SPMIP7: variants seen among roughly 807,000 people sequenced by gnomAD.
SPMIP7 encodes sperm microtubule inner protein 7.
chr7:50,125,955 G>A, the SPMIP7 span, among the ~76,000 whole-genome samples: 5 of 151,984 alleles, frequency 3.3e-5, no homozygotes, highest in African/African-American at 1.2e-4. Context: ...ACAAGAGAAA[G>A]ATTTTTGGCA....
At chr7:50,153,902 C>T in the SPMIP7 span, among the ~76,000 whole-genome samples, 2 of 152,296 alleles carry the variant, frequency 1.3e-5, no homozygotes, top group African/African-American at 2.4e-5. Flanking sequence ...GCCCTGTGTG[C>T]CTGGCCTTTT....
the SPMIP7 span, among the ~76,000 whole-genome samples, chr7:50,118,335 GATCCA>G: frequency 6.6e-6 from 1 of 152,138 alleles, no homozygotes; most frequent in Admixed American, 6.6e-5. Flanking sequence ...CAGACAGCAT[GATCCA>G]AATTATGAAC....
the SPMIP7 span, among the ~76,000 whole-genome samples, chr7:50,135,349 T>C: frequency 2.6e-5 from 4 of 152,164 alleles, no homozygotes; most frequent in Non-Finnish European, 4.4e-5. Flanking sequence ...ACAAAATCCA[T>C]AGGATTAAAA....
the SPMIP7 span, chr7:50,129,602 C>T: frequency 2.5e-5 from 18 of 729,448 alleles, no homozygotes; most frequent in Admixed American, 1.0e-4. Context: ...CCAAGAGGTG[C>T]GTGAAAGAAG....
chr7:50,132,885 G>T, the SPMIP7 span, among the ~76,000 whole-genome samples: 1 of 151,996 alleles, frequency 6.6e-6, no homozygotes, highest in African/African-American at 2.4e-5. Flanking sequence ...TTCTTGTATC[G>T]TAAACACCTA....
At chr7:50,106,716 C>T in the SPMIP7 span, among the ~76,000 whole-genome samples, 1 of 152,054 alleles carries the variant, frequency 6.6e-6, no homozygotes. Context: ...ACACTGAGTC[C>T]ATATGTTGCA....
At chr7:50,129,247 G>C in the SPMIP7 span, among the ~76,000 whole-genome samples, 1 of 151,814 alleles carries the variant, frequency 6.6e-6, no homozygotes, top group African/African-American at 2.4e-5. Context: ...CAACAAATTG[G>C]TAAAATATCA....
chr7:50,096,378 G>A, the SPMIP7 span: 42 of 1,551,920 alleles, frequency 2.7e-5, no homozygotes, highest in Middle Eastern at 1.7e-4. Flanking sequence ...TTTCCACTTC[G>A]GGATGATGTG....
the SPMIP7 span, chr7:50,140,008 A>G: frequency 1.6e-3 from 978 of 626,794 alleles, 7 homozygotes; most frequent in African/African-American, 0.018. Flanking sequence ...GTTTAAAATC[A>G]CAAACCTTTA....
chr7:50,140,988 T>C, the SPMIP7 span, among the ~76,000 whole-genome samples: 1 of 152,338 alleles, frequency 6.6e-6, no homozygotes, highest in East Asian at 1.9e-4. Flanking sequence ...GGAGTTGTGC[T>C]GGGGCTGCAG....
the SPMIP7 span, chr7:50,151,678 G>T: frequency 1.4e-6 from 1 of 690,590 alleles, no homozygotes; most frequent in Non-Finnish European, 2.3e-6. Flanking sequence ...TTTTAAAAAT[G>T]TGGCATCAAG....
the SPMIP7 span, among the ~76,000 whole-genome samples, chr7:50,156,514 C>T: frequency 3.5e-3 from 534 of 151,840 alleles, 3 homozygotes; most frequent in African/African-American, 0.013. Flanking sequence ...GTCTTCAAAC[C>T]TCCCTGTGCC....
chr7:50,096,715 G>A, the SPMIP7 span: 1 of 1,162,810 alleles, frequency 8.6e-7, no homozygotes, highest in South Asian at 2.7e-5. Context: ...TCAATATTTA[G>A]GCAGTTAAAT....
chr7:50,118,879 G>T, the SPMIP7 span, among the ~76,000 whole-genome samples: 1 of 152,090 alleles, frequency 6.6e-6, no homozygotes, highest in Non-Finnish European at 1.5e-5. Flanking sequence ...GGAAAACATC[G>T]ATTGACTCCT....
chr7:50,111,059 TATC>T, the SPMIP7 span, among the ~76,000 whole-genome samples: 4 of 146,082 alleles, frequency 2.7e-5, no homozygotes, highest in Admixed American at 6.9e-5. Flanking sequence ...GATGTTATAT[TATC>T]ATATATATGA....
At chr7:50,138,914 C>A in the SPMIP7 span, among the ~76,000 whole-genome samples, 3 of 151,836 alleles carry the variant, frequency 2.0e-5, no homozygotes, top group African/African-American at 4.8e-5. Context: ...TTTTATTGAA[C>A]CATATCTAAA....
At chr7:50,141,293 G>A in the SPMIP7 span, 1 of 1,550,396 alleles carries the variant, frequency 6.4e-7, no homozygotes, top group Middle Eastern at 1.7e-4. Context: ...GTCATGTGCA[G>A]TCTACAAATG....
the SPMIP7 span, among the ~76,000 whole-genome samples, chr7:50,135,022 G>T: frequency 6.6e-6 from 1 of 152,102 alleles, no homozygotes; most frequent in African/African-American, 2.4e-5. Context: ...TCACCCCACA[G>T]TGTACTCTGT....
chr7:50,139,052 A>T, the SPMIP7 span, among the ~76,000 whole-genome samples: 1 of 152,166 alleles, frequency 6.6e-6, no homozygotes, highest in African/African-American at 2.4e-5. Context: ...TGAAATATTT[A>T]AAAATTTAAC....
Sources: allele counts gnomAD v4.1 joint callset (sites outside exome capture counted in the v4.1 genomes callset), GRCh38; gene constraint gnomAD v4.1.1; transcripts MANE v1.5; gene names NCBI Gene and HGNC (gene_info 2026-07-23, HGNC 2026-07-21).